The following PSD3 variants were observed in gnomAD, a reference collection of about 807,000 sequenced individuals.
PSD3 encodes the protein pleckstrin and Sec7 domain containing 3.
Under a neutral mutation model 105.5 loss-of-function variants are expected in PSD3, and 49 were observed. The ratio of observed to expected loss-of-function variants is 0.46; its 90% CI spans 0.37 to 0.59. PSD3 has a LOEUF of 0.59. PSD3 is among the 20% of genes least tolerant of loss of function. The pLI, the probability that PSD3 is intolerant of heterozygous loss-of-function variation, is 0.00. For missense variants in PSD3, 1,561 were observed against 1,263.8 expected, an observed-to-expected ratio of 1.24 and a Z score of -3.57; for synonymous variants, 557 against 457.8, an observed-to-expected ratio of 1.22 and a Z score of -2.77.
chr8:18,779,386 A>G (rs1808400260), intron 8 of PSD3, among the ~76,000 whole-genome samples: 1 of 142,810 alleles, frequency 7.0e-6, no homozygotes, highest in Admixed American at 7.7e-5. Flanking sequence ...TATTCTCTCA[A>G]AAAAAAAACC....
intron 1 of PSD3, among the ~76,000 whole-genome samples, chr8:18,984,945 C>A (rs372048133): frequency 3.3e-5 from 5 of 151,972 alleles, no homozygotes; most frequent in Non-Finnish European, 5.9e-5. Context: ...TTTGTTTTGG[C>A]GGTGGGGGGA....
intron 4 of PSD3, among the ~76,000 whole-genome samples, chr8:18,831,351 T>C (rs1468078697): frequency 1.3e-5 from 2 of 152,218 alleles, no homozygotes; most frequent in Non-Finnish European, 2.9e-5. Context: ...ATTTTATTAG[T>C]CATATAGTAA....
rs11997368 is a variant in PSD3 at position 18,702,024 on chromosome 8, G to A, written c.2173-46339C>T. On this transcript the variant is annotated intron_variant, in intron 9 of 15. Coordinates refer to ENST00000327040, the MANE Select transcript of PSD3 (RefSeq NM_015310.4). ...AAGCAAAAACAAAACCCCTTTAAGAGTGCATTCGTTTCAGCATTTTACTTC... is the reference window on the plus strand; with the variant it reads ...AAGCAAAAACAAAACCCCTTTAAGAATGCATTCGTTTCAGCATTTTACTTC... Among the ~76,000 whole-genome samples, 608 of 152,236 alleles carry A rather than the reference G, an allele frequency of 4.0e-3. 3 individuals carry two copies. The highest frequency in any genetic ancestry group is 0.014 in the African/African-American group (569 of 41,526).
intron 1 of PSD3, among the ~76,000 whole-genome samples, chr8:18,953,448 A>G (rs187319536): frequency 2.3e-3 from 347 of 152,320 alleles, no homozygotes; most frequent in African/African-American, 8.0e-3. Context: ...CTGTCCATCA[A>G]TATACAAATG....
chr8:18,837,590 T>A (rs532412522), intron 4 of PSD3, among the ~76,000 whole-genome samples: 1 of 152,230 alleles, frequency 6.6e-6, no homozygotes, highest in South Asian at 2.1e-4. Flanking sequence ...GATGTTTTAA[T>A]ACTCACTGGC....
At chr8:18,949,186 C>A (rs1331051271) in intron 1 of PSD3, among the ~76,000 whole-genome samples, 3 of 119,352 alleles carry the variant, frequency 2.5e-5, no homozygotes, top group Admixed American at 1.0e-4. Flanking sequence ...TGTGCCACTG[C>A]ACTCCAGCCT....
intron 2 of PSD3, among the ~76,000 whole-genome samples, chr8:18,935,219 A>C (rs996366364): frequency 6.6e-6 from 1 of 152,256 alleles, no homozygotes; most frequent in African/African-American, 2.4e-5. Context: ...AAAGTGAAAA[A>C]TGTTGCTTCT....
At chr8:19,074,611 A>ATTTTTTTT (rs1206111403) in intron 1 of PSD3, among the ~76,000 whole-genome samples, 4 of 24,228 alleles carry the variant, frequency 1.7e-4, no homozygotes, top group Admixed American at 1.4e-3. Context: ...ATATATATAT[A>ATTTTTTTT]TTTTTTTTTT....
chr8:18,732,846 T>C (rs1803869296), intron 9 of PSD3: 1 of 152,004 alleles, frequency 6.6e-6, no homozygotes, highest in Non-Finnish European at 1.5e-5. Context: ...TTCACAGATA[T>C]TCTACCACAA....
intron 14 of PSD3, among the ~76,000 whole-genome samples, chr8:18,566,383 G>A (rs1801749358): frequency 1.3e-5 from 2 of 151,900 alleles, no homozygotes; most frequent in African/African-American, 2.4e-5. Flanking sequence ...AAAATTAGCT[G>A]GGTATGGTGG....
At chr8:18,946,523 G>C (rs1166821108) in intron 1 of PSD3, among the ~76,000 whole-genome samples, 3 of 152,148 alleles carry the variant, frequency 2.0e-5, no homozygotes, top group Admixed American at 6.5e-5. Flanking sequence ...TGAGGCTGTA[G>C]TGAGCTATGA....
chr8:18,719,594 T>C (rs1324320476), intron 9 of PSD3, among the ~76,000 whole-genome samples: 1 of 152,228 alleles, frequency 6.6e-6, no homozygotes, highest in East Asian at 1.9e-4. Flanking sequence ...TTTACTCGTT[T>C]AGCTGAGCCC....
intron 1 of PSD3, among the ~76,000 whole-genome samples, chr8:19,045,572 C>G (rs778112628): frequency 6.6e-6 from 1 of 152,166 alleles, no homozygotes; most frequent in Non-Finnish European, 1.5e-5. Context: ...CAGAAGTTTA[C>G]CCAAGTGATT....
Position 18,590,295 on chromosome 8 carries a change from T to G in PSD3, c.2481+10069A>C, listed in dbSNP as rs577085293. Among the ~76,000 whole-genome samples the G allele has an allele frequency of 3.3e-5, 5 of 152,144 alleles. No individual in the cohort carries two copies. The South Asian group carries it at 1.0e-3, about 32-fold the overall frequency. ...GTGCAAGCGTGCATACCATGAGGGG[T>G]CGCCATCTGATTCAGTACTGCGGAT... On this transcript the variant is annotated intron_variant, in intron 12 of 15. Coordinates refer to ENST00000327040, the MANE Select transcript of PSD3 (RefSeq NM_015310.4).
intron 2 of PSD3, among the ~76,000 whole-genome samples, chr8:18,902,241 C>T (rs554457079): frequency 7.9e-5 from 12 of 152,182 alleles, no homozygotes; most frequent in Non-Finnish European, 1.3e-4. Flanking sequence ...TTCTTCACTT[C>T]AGAGATTCTT....
intron 11 of PSD3, among the ~76,000 whole-genome samples, chr8:18,614,124 C>T (rs1208563480): frequency 1.3e-5 from 2 of 152,178 alleles, no homozygotes; most frequent in Admixed American, 6.5e-5. Context: ...CATGCCTCAT[C>T]CTGGGGTTTC....
intron 2 of PSD3, among the ~76,000 whole-genome samples, chr8:18,890,676 C>G (rs1490710354): frequency 6.6e-6 from 1 of 152,138 alleles, no homozygotes; most frequent in African/African-American, 2.4e-5. Flanking sequence ...TACAAGTCAC[C>G]TGCAAACCTC....
chr8:18,720,704 G>C (rs1802913632), intron 9 of PSD3, among the ~76,000 whole-genome samples: 1 of 152,118 alleles, frequency 6.6e-6, no homozygotes. Context: ...CACCCCCACA[G>C]TGCTCTGCAG....
At chr8:18,905,384 C>T (rs1007921551) in intron 2 of PSD3, among the ~76,000 whole-genome samples, 10 of 152,106 alleles carry the variant, frequency 6.6e-5, no homozygotes, top group African/African-American at 1.9e-4. Context: ...AGTGCAGTGG[C>T]GCGATCTCAG....
Sources: gnomAD v4.1 joint callset for allele counts (sites outside exome capture counted in the v4.1 genomes callset) on GRCh38, gnomAD v4.1.1 for gene constraint, MANE v1.5 for transcripts, NCBI Gene and HGNC (gene_info 2026-07-23, HGNC 2026-07-21) for gene names.